The following ANO2 variants were observed in gnomAD, a reference collection of about 807,000 sequenced individuals.
The protein encoded by ANO2 is anoctamin-2.
ANO2 carries 101 observed loss-of-function variants against 124.2 expected under a neutral mutation model. The observed-to-expected ratio is 0.81, with a 90% confidence interval of 0.69 to 0.96. The LOEUF is 0.96. Ranked by LOEUF, ANO2 falls within the 40% of genes least tolerant of loss-of-function variation. The pLI is 0.00. For synonymous variants in ANO2, 486 were observed against 482.5 expected, an observed-to-expected ratio of 1.01 and a Z score of -0.09; for missense variants, 1,293 against 1,274.5, an observed-to-expected ratio of 1.01 and a Z score of -0.22.
chr12:5,778,906 T>C (rs531817256), intron 10 of ANO2, among the ~76,000 whole-genome samples: 2 of 152,318 alleles, frequency 1.3e-5, no homozygotes, highest in African/African-American at 4.8e-5. Context: ...AGAGTGTAAG[T>C]TTCTTAAAGG....
intron 3 of ANO2, among the ~76,000 whole-genome samples, chr12:5,910,272 T>C (rs1330847811): frequency 6.6e-6 from 1 of 152,212 alleles, no homozygotes; most frequent in Non-Finnish European, 1.5e-5. Flanking sequence ...CTCTGCCTCC[T>C]GGGTTCCAGC....
chr12:5,601,206 T>C (rs373191747), intron 19 of ANO2, among the ~76,000 whole-genome samples: 1 of 152,128 alleles, frequency 6.6e-6, no homozygotes, highest in Non-Finnish European at 1.5e-5. Context: ...ACATAATCTA[T>C]ACAGCATGCT....
At chr12:5,727,390 A>G (rs145699388) in intron 14 of ANO2, among the ~76,000 whole-genome samples, 1 of 151,810 alleles carries the variant, frequency 6.6e-6, no homozygotes, top group East Asian at 1.9e-4. Flanking sequence ...CCTTTTCTAA[A>G]CCCTACAGAA....
intron 14 of ANO2, among the ~76,000 whole-genome samples, chr12:5,670,565 C>A (rs1947947598): frequency 6.6e-6 from 1 of 152,158 alleles, no homozygotes; most frequent in Admixed American, 6.5e-5. Context: ...GATGGGGTCT[C>A]ACTCTATTGC....
chr12:5,739,915 C>T (rs1206302057), intron 12 of ANO2: 1 of 456,216 alleles, frequency 2.2e-6, no homozygotes, highest in East Asian at 6.9e-5. Context: ...TACCTGACTC[C>T]AGACTTTCAG....
chr12:5,891,612 G>C (rs1002431177), intron 3 of ANO2, among the ~76,000 whole-genome samples: 6 of 152,136 alleles, frequency 3.9e-5, no homozygotes, highest in Admixed American at 1.3e-4. Flanking sequence ...CATGTGCATG[G>C]ATCTGATCCT....
chr12:5,911,683 G>A (rs957132913), intron 3 of ANO2, among the ~76,000 whole-genome samples: 33 of 152,232 alleles, frequency 2.2e-4, no homozygotes, highest in African/African-American at 7.7e-4. Context: ...CTAGGAGGAA[G>A]ACAGACTAAC....
At chr12:5,633,600 C>T (rs753070502) in intron 16 of ANO2, among the ~76,000 whole-genome samples, 12 of 150,686 alleles carry the variant, frequency 8.0e-5, no homozygotes, top group Non-Finnish European at 1.6e-4. Context: ...AAAAAAAAAA[C>T]ACGTTCTGGT....
intron 1 of ANO2, among the ~76,000 whole-genome samples, chr12:5,938,692 G>T (rs1942760591): frequency 6.6e-6 from 1 of 152,140 alleles, no homozygotes; most frequent in South Asian, 2.1e-4. Flanking sequence ...GGGTGTGGTG[G>T]CAGGCACCTG....
At chr12:5,614,595 A>T (rs1944703551) in intron 17 of ANO2, among the ~76,000 whole-genome samples, 1 of 152,200 alleles carries the variant, frequency 6.6e-6, no homozygotes, top group South Asian at 2.1e-4. Context: ...CCATTTGCTG[A>T]TTTGGATTTA....
At chr12:5,853,022 CAA>C (rs1954963279) in intron 4 of ANO2, among the ~76,000 whole-genome samples, 1 of 151,952 alleles carries the variant, frequency 6.6e-6, no homozygotes, top group African/African-American at 2.4e-5. Context: ...GGCAGATGGT[CAA>C]AGTCAATAGC....
At chr12:5,748,212 C>T (rs888935747) in intron 11 of ANO2, among the ~76,000 whole-genome samples, 1 of 152,338 alleles carries the variant, frequency 6.6e-6, no homozygotes, top group South Asian at 2.1e-4. Flanking sequence ...GTTGCTGCCA[C>T]GTGTATTACC....
At chr12:5,789,712 G>A (rs1440570322) in intron 10 of ANO2, among the ~76,000 whole-genome samples, 2 of 152,128 alleles carry the variant, frequency 1.3e-5, no homozygotes, top group Admixed American at 6.5e-5. Context: ...CCTTTCTTAT[G>A]TGTGTGACTT....
intron 3 of ANO2, among the ~76,000 whole-genome samples, chr12:5,903,917 A>T (rs1273215835): frequency 2.0e-5 from 3 of 152,108 alleles, no homozygotes; most frequent in Non-Finnish European, 2.9e-5. Flanking sequence ...GGTGACCCAG[A>T]ATGCAAGAGG....
At chr12:5,751,824 G>A (rs770183040) in intron 10 of ANO2, among the ~76,000 whole-genome samples, 15 of 152,014 alleles carry the variant, frequency 9.9e-5, no homozygotes, top group South Asian at 2.1e-4. Flanking sequence ...GTAGATCTCC[G>A]GGCATATATG....
In ANO2 at chr12:5,812,591, G is replaced by GGA. The variant is rs1555168012; in HGVS notation, c.893-5224_893-5223insTC. ...AAAGAAAAAAAGAAAGAGAAAGAAA[G>GGA]AGGAAGAAGAAAAAGGAAGGAAGGT... On this transcript the variant is annotated intron_variant, in intron 7 of 24. Transcript: ENST00000682330. 6.5e-5 allele frequency among the ~76,000 whole-genome samples: 7 copies of GGA among 107,096 alleles called. 1 individual carries two copies. In the East Asian group the frequency reaches 1.3e-3, roughly 21 times the overall value. 70.3% of individuals were successfully genotyped at this position (107,096 alleles called of 152,430 possible).
At position 5,797,879 on chromosome 12, in the gene ANO2, C is replaced by T. The variant is rs74056689; in HGVS notation, c.1055+1628G>A. On this transcript the variant is annotated intron_variant, in intron 10 of 24. Coordinates refer to ENST00000682330, the MANE Select transcript of ANO2 (RefSeq NM_001364791.2). The stretch of plus-strand genomic sequence containing the variant: ...ATTTGAGCTCTCCATCCTCAGGAAC[C>T]GCCAGGCCCCAGAGCAGGGCTCCGC... Among the ~76,000 whole-genome samples, 350 of 152,232 alleles carry T rather than the reference C, an allele frequency of 2.3e-3. 4 individuals are homozygous for T. Among genetic ancestry groups the T allele is most frequent in the African/African-American group, 7.2e-3 (298 of 41,526 alleles).
chr12:5,690,925 C>T (rs1055596805), intron 14 of ANO2, among the ~76,000 whole-genome samples: 2 of 152,242 alleles, frequency 1.3e-5, no homozygotes, highest in African/African-American at 4.8e-5. Flanking sequence ...TGAACACCTA[C>T]TAAGTGCTAT....
intron 23 of ANO2, among the ~76,000 whole-genome samples, chr12:5,572,829 T>C (rs552248480): frequency 6.6e-6 from 1 of 152,178 alleles, no homozygotes; most frequent in Non-Finnish European, 1.5e-5. Flanking sequence ...ATGTGCCCAC[T>C]GATAATTCTG....
Sources: allele counts gnomAD v4.1 joint callset (sites outside exome capture counted in the v4.1 genomes callset), GRCh38; gene constraint gnomAD v4.1.1; transcripts MANE v1.5; gene names NCBI Gene and HGNC (gene_info 2026-07-23, HGNC 2026-07-21).